Variants in KDM7A observed in about 807,000 individuals in gnomAD.
KDM7A encodes lysine demethylase 7A.
Under a neutral mutation model 114.8 loss-of-function variants are expected in KDM7A, and 28 were observed. The observed-to-expected ratio is 0.24, with a 90% CI of 0.18 to 0.33. KDM7A has a LOEUF of 0.33. Ranked by LOEUF, KDM7A falls within the 10% of genes least tolerant of loss-of-function variation. The probability of loss-of-function intolerance (pLI) is 1.00; values close to 1 mark genes in which losing one functional copy is unlikely to be tolerated. For synonymous variants in KDM7A, 423 were observed against 397.8 expected (o/e 1.06, Z -0.75); for missense variants, 942 against 1,142.5 (o/e 0.82, Z 2.53).
intron 3 of KDM7A, 145 bp downstream of exon 3, chr7:140,133,394 T>G (rs1049958020): frequency 3.7e-6 from 2 of 541,568 alleles, no homozygotes; most frequent in Non-Finnish European, 6.7e-6. Context: ...TCTATTTCGT[T>G]AAGGAAGAAA....
intron 12 of KDM7A, among the ~76,000 whole-genome samples, chr7:140,100,660 TTATATATATA>T (rs1244353345): frequency 9.0e-6 from 1 of 111,300 alleles, no homozygotes; most frequent in Admixed American, 8.9e-5. Flanking sequence ...TTTTAAAAAG[TTATATATATA>T]TATATATATA....
intron 7 of KDM7A, among the ~76,000 whole-genome samples, chr7:140,121,123 C>T (rs1818612072): frequency 2.0e-5 from 3 of 152,148 alleles, no homozygotes; most frequent in Admixed American, 1.3e-4. Context: ...TGAGACCTGA[C>T]TCTGTAGAAG....
intron 1 of KDM7A, among the ~76,000 whole-genome samples, chr7:140,172,858 A>C (rs1466322880): frequency 6.6e-6 from 1 of 152,216 alleles, no homozygotes; most frequent in African/African-American, 2.4e-5. Context: ...GAATATACAT[A>C]TACACATACC....
chr7:140,110,272 T>C (rs1010927903), intron 11 of KDM7A, among the ~76,000 whole-genome samples: 2 of 152,246 alleles, frequency 1.3e-5, no homozygotes, highest in African/African-American at 2.4e-5. Flanking sequence ...TAAACTTACA[T>C]ATATATTTAA....
chr7:140,166,877 A>C (rs974389104), intron 1 of KDM7A, among the ~76,000 whole-genome samples: 1 of 152,232 alleles, frequency 6.6e-6, no homozygotes, highest in Admixed American at 6.5e-5. Flanking sequence ...CAGTTCCCTA[A>C]GTGATAATAC....
chr7:140,157,169 A>C (rs574301070), intron 1 of KDM7A, among the ~76,000 whole-genome samples: 8 of 152,382 alleles, frequency 5.2e-5, no homozygotes, highest in African/African-American at 1.9e-4. Context: ...GGAGGAAAAG[A>C]ACCATCTTCG....
At chr7:140,092,869 T>C (rs1818044600) in intron 18 of KDM7A, among the ~76,000 whole-genome samples, 1 of 152,216 alleles carries the variant, frequency 6.6e-6, no homozygotes. Context: ...ATAAACTTTA[T>C]GACCAGCTAC....
In KDM7A at chr7:140,097,707, G is replaced by C. The variant is rs1018210548; in HGVS notation, c.1919-65C>G. The C allele has an allele frequency of 5.5e-6, 5 of 912,294 alleles. No homozygotes were observed. The African/African-American group carries it at 8.2e-5, about 15-fold the overall frequency. 56.5% of individuals were successfully genotyped at this position (912,294 alleles called of 1,614,324 possible). The stretch of plus-strand genomic sequence containing the variant: ...TTGACTACGATGAACAAGGTGACAA[G>C]ATGGTATCTAAAGTCCACCCAGCTT... On this transcript the variant is annotated intron_variant, in intron 14 of 19. Coordinates refer to ENST00000397560, the MANE Select transcript of KDM7A (RefSeq NM_030647.2).
intron 1 of KDM7A, among the ~76,000 whole-genome samples, chr7:140,162,141 G>A (rs1164051560): frequency 1.3e-5 from 2 of 152,060 alleles, no homozygotes; most frequent in African/African-American, 4.8e-5. Flanking sequence ...TTTGCGACCA[G>A]CCTGACCAAC....
intron 1 of KDM7A, among the ~76,000 whole-genome samples, chr7:140,146,031 AT>A (rs928394994): frequency 2.6e-5 from 4 of 152,196 alleles, no homozygotes; most frequent in African/African-American, 9.6e-5. Flanking sequence ...ACCTCACCCC[AT>A]ATAATCTGTT....
intron 1 of KDM7A, among the ~76,000 whole-genome samples, chr7:140,146,863 A>C (rs1794344921): frequency 6.6e-6 from 1 of 152,160 alleles, no homozygotes; most frequent in African/African-American, 2.4e-5. Context: ...ATTCCCTAGG[A>C]TCAGCCAAAC....
chr7:140,100,681 C>CACACATATATATATAT (rs1554395402), intron 12 of KDM7A, among the ~76,000 whole-genome samples: 2 of 44,346 alleles, frequency 4.5e-5, no homozygotes, highest in African/African-American at 9.5e-5. Context: ...TATATATATA[C>CACACATATATATATAT]ATATATACAT....
intron 1 of KDM7A, among the ~76,000 whole-genome samples, chr7:140,153,674 A>T (rs2116839452): frequency 6.6e-6 from 1 of 152,356 alleles, no homozygotes; most frequent in South Asian, 2.1e-4. Context: ...CTTCTTTAGT[A>T]CACTATAATT....
chr7:140,152,785 G>A (rs1382808133), intron 1 of KDM7A, among the ~76,000 whole-genome samples: 1 of 152,182 alleles, frequency 6.6e-6, no homozygotes, highest in Non-Finnish European at 1.5e-5. Flanking sequence ...TAAAGTGTAA[G>A]AAGGATTTTT....
chr7:140,156,374 C>T (rs1794458005), intron 1 of KDM7A, among the ~76,000 whole-genome samples: 1 of 152,148 alleles, frequency 6.6e-6, no homozygotes, highest in South Asian at 2.1e-4. Context: ...TCAATGAAAT[C>T]CAAACTCTAT....
At chr7:140,140,028 A>G (rs1158160258) in intron 1 of KDM7A, among the ~76,000 whole-genome samples, 1 of 152,226 alleles carries the variant, frequency 6.6e-6, no homozygotes, top group African/African-American at 2.4e-5. Context: ...GGCCCAGATG[A>G]CCTCACATGC....
intron 12 of KDM7A, among the ~76,000 whole-genome samples, chr7:140,100,677 T>C (rs370894175): frequency 0.029 from 1,179 of 41,346 alleles, 22 homozygotes; most frequent in Non-Finnish European, 0.039. Flanking sequence ...TATATATATA[T>C]ATACATATAT....
At chr7:140,159,210 G>GGT (rs1486029478) in intron 1 of KDM7A, among the ~76,000 whole-genome samples, 3 of 152,044 alleles carry the variant, frequency 2.0e-5, no homozygotes, top group Non-Finnish European at 2.9e-5. Context: ...AGCCAGGCGT[G>GGT]GTGGCACACA....
chr7:140,092,807 G>C (rs1407303849), intron 18 of KDM7A, among the ~76,000 whole-genome samples: 1 of 152,136 alleles, frequency 6.6e-6, no homozygotes, highest in African/African-American at 2.4e-5. Context: ...AGAACAGCCA[G>C]ATTTAAATAA....
Sources: gnomAD v4.1 joint callset for allele counts (sites outside exome capture counted in the v4.1 genomes callset) on GRCh38, gnomAD v4.1.1 for gene constraint, MANE v1.5 for transcripts, NCBI Gene and HGNC (gene_info 2026-07-23, HGNC 2026-07-21) for gene names.